Variants in GPC5 observed in about 807,000 individuals in gnomAD.
GPC5 encodes the protein glypican 5.
Under a neutral mutation model 53.9 loss-of-function variants are expected in GPC5, and 47 were observed. The observed-to-expected ratio is 0.87, with a 90% confidence interval of 0.69 to 1.11. The LOEUF is 1.11. Ranked by LOEUF, GPC5 falls within the 50% of genes most tolerant of loss-of-function variation. GPC5 has a pLI of 0.00. For missense variants in GPC5, 748 were observed against 713.1 expected, an observed-to-expected ratio of 1.05 and a Z score of -0.56; for synonymous variants, 286 against 263.3, an observed-to-expected ratio of 1.09 and a Z score of -0.84.
At chr13:91,458,776 CA>C (rs1881729694) in intron 2 of GPC5, among the ~76,000 whole-genome samples, 2 of 151,874 alleles carry the variant, frequency 1.3e-5, no homozygotes. Context: ...GCACAATTTG[CA>C]ATTGCAAAAA....
chr13:92,246,443 T>G (rs528656549), intron 7 of GPC5, among the ~76,000 whole-genome samples: 1 of 152,282 alleles, frequency 6.6e-6, no homozygotes, highest in South Asian at 2.1e-4. Flanking sequence ...TGTCCTTGTC[T>G]GTTCTTGGCT....
intron 6 of GPC5, among the ~76,000 whole-genome samples, chr13:91,977,785 T>G (rs745413980): frequency 6.6e-6 from 1 of 152,126 alleles, no homozygotes; most frequent in Non-Finnish European, 1.5e-5. Context: ...TAGTTACTGT[T>G]ACACAATTGC....
chr13:92,606,234 C>G (rs543225032), intron 7 of GPC5, among the ~76,000 whole-genome samples: 1 of 152,186 alleles, frequency 6.6e-6, no homozygotes, highest in East Asian at 1.9e-4. Flanking sequence ...CTACCCCTTT[C>G]CCTTCCCCCA....
At chr13:92,544,794 G>C (rs201547586) in intron 7 of GPC5, among the ~76,000 whole-genome samples, 2 of 151,886 alleles carry the variant, frequency 1.3e-5, no homozygotes, top group Non-Finnish European at 2.9e-5. Flanking sequence ...CTGAAATTTA[G>C]TTTCCACATT....
At chr13:91,870,179 C>G (rs966420573) in intron 5 of GPC5, among the ~76,000 whole-genome samples, 2 of 152,112 alleles carry the variant, frequency 1.3e-5, no homozygotes, top group African/African-American at 2.4e-5. Context: ...TCTGTTTTCT[C>G]TTTTTGATAC....
chr13:91,640,876 C>G, intron 2 of GPC5, among the ~76,000 whole-genome samples: 1 of 151,644 alleles, frequency 6.6e-6, no homozygotes, highest in Non-Finnish European at 1.5e-5. Flanking sequence ...TGAAATAAAC[C>G]CAAATACCCA....
chr13:92,811,842 C>T (rs1877311401), intron 7 of GPC5, among the ~76,000 whole-genome samples: 1 of 151,862 alleles, frequency 6.6e-6, no homozygotes, highest in African/African-American at 2.4e-5. Flanking sequence ...GTTTCCCCAG[C>T]AATGTCTGTT....
chr13:92,708,022 G>A (rs141122152), intron 7 of GPC5, among the ~76,000 whole-genome samples: 6 of 152,202 alleles, frequency 3.9e-5, no homozygotes, highest in African/African-American at 1.4e-4. Flanking sequence ...GCAAGGTAAG[G>A]AATAGAGCAT....
intron 2 of GPC5, among the ~76,000 whole-genome samples, chr13:91,585,796 T>G (rs1297877770): frequency 6.6e-6 from 1 of 152,192 alleles, no homozygotes. Context: ...TATTAACTTC[T>G]GTCTACGTCT....
chr13:91,401,134 C>T (rs138381856), intron 1 of GPC5, among the ~76,000 whole-genome samples: 1 of 152,108 alleles, frequency 6.6e-6, no homozygotes, highest in South Asian at 2.1e-4. Flanking sequence ...GAAAAAGTCA[C>T]ACAAAAGTGC....
intron 5 of GPC5, among the ~76,000 whole-genome samples, chr13:91,778,088 A>G (rs920712221): frequency 1.3e-5 from 2 of 152,178 alleles, no homozygotes; most frequent in African/African-American, 4.8e-5. Flanking sequence ...TCTTTATAGC[A>G]CAGTCCACAA....
chr13:91,627,833 T>C (rs957279703), intron 2 of GPC5, among the ~76,000 whole-genome samples: 1 of 152,158 alleles, frequency 6.6e-6, no homozygotes, highest in African/African-American at 2.4e-5. Flanking sequence ...AATAACATAT[T>C]ATGTTCCTCC....
chr13:91,463,837 G>C (rs908641795), intron 2 of GPC5, among the ~76,000 whole-genome samples: 2 of 152,032 alleles, frequency 1.3e-5, no homozygotes, highest in African/African-American at 4.8e-5. Context: ...AAGAATCTTA[G>C]GGACCTAGGT....
At chr13:91,503,564 G>A (rs1163214828) in intron 2 of GPC5, among the ~76,000 whole-genome samples, 1 of 151,494 alleles carries the variant, frequency 6.6e-6, no homozygotes, top group Non-Finnish European at 1.5e-5. Flanking sequence ...GGCGGATCAC[G>A]AGGTCAGGAG....
chr13:92,731,931 T>C (rs1013895121), intron 7 of GPC5, among the ~76,000 whole-genome samples: 1 of 151,520 alleles, frequency 6.6e-6, no homozygotes, highest in Non-Finnish European at 1.5e-5. Flanking sequence ...AATTATCAGA[T>C]GAAAGAGGTG....
intron 7 of GPC5, among the ~76,000 whole-genome samples, chr13:92,488,613 T>C (rs1879648312): frequency 6.6e-6 from 1 of 152,164 alleles, no homozygotes; most frequent in African/African-American, 2.4e-5. Flanking sequence ...TGTTGTTTGC[T>C]AATAGTCCTG....
At chr13:91,554,036 A>G (rs2030800603) in intron 2 of GPC5, among the ~76,000 whole-genome samples, 1 of 152,072 alleles carries the variant, frequency 6.6e-6, no homozygotes, top group Non-Finnish European at 1.5e-5. Flanking sequence ...CAAATTTAAT[A>G]CAATCCATTT....
chr13:91,726,299 A>G (rs1358793944), intron 3 of GPC5, among the ~76,000 whole-genome samples: 1 of 152,174 alleles, frequency 6.6e-6, no homozygotes, highest in African/African-American at 2.4e-5. Context: ...AAGATTTCTT[A>G]TTCAGGACTA....
rs58376767 is a variant in GPC5, at chr13:92,004,458, TTATATATA to T, written c.1401+96426_1401+96433del. Among the ~76,000 whole-genome samples, 332 of 82,418 alleles carry T rather than the reference TTATATATA, an allele frequency of 4.0e-3. 12 individuals are homozygous for T. The highest frequency in any genetic ancestry group is 0.011 in the East Asian group (39 of 3,546). The allele number at this position is 82,418 out of a possible 152,430, so 54.1% of individuals were successfully genotyped here. ...GACTCCGTCTCAAAAAAAAAAAAAA[TTATATATA>T]TATATATATATATATATATATATAA... On this transcript the variant is annotated intron_variant, in intron 6 of 7. Transcript: ENST00000377067.
Sources: gnomAD v4.1 joint callset for allele counts (sites outside exome capture counted in the v4.1 genomes callset) on GRCh38, gnomAD v4.1.1 for gene constraint, MANE v1.5 for transcripts, NCBI Gene and HGNC (gene_info 2026-07-23, HGNC 2026-07-21) for gene names.